The following G2E3 variants were observed in gnomAD, a reference collection of about 807,000 sequenced individuals.
The protein encoded by G2E3 is G2/M phase-specific E3 ubiquitin-protein ligase.
A neutral mutation model predicts 92.8 loss-of-function variants in G2E3; 35 were observed. The observed-to-expected ratio is 0.38, with a 90% CI of 0.29 to 0.50. The LOEUF (loss-of-function observed/expected upper bound fraction) is 0.50, where lower values mean the gene tolerates loss of function less well. Among genes scored for constraint, G2E3 ranks in the 20% least tolerant of loss-of-function variants. The pLI, the probability that G2E3 is intolerant of heterozygous loss-of-function variation, is 0.94. For synonymous variants in G2E3, 242 were observed against 272.4 expected, an observed-to-expected ratio of 0.89 and a Z score of 1.10; for missense variants, 554 against 823.8, an observed-to-expected ratio of 0.67 and a Z score of 4.01.
At chr14:30,594,287 A>G (rs1016814430) in intron 6 of G2E3, among the ~76,000 whole-genome samples, 1 of 152,240 alleles carries the variant, frequency 6.6e-6, no homozygotes, top group African/African-American at 2.4e-5. Context: ...TGTACATGTG[A>G]AAGTGCCAGC....
chr14:30,615,215 G>A (rs545799817), intron 13 of G2E3, 134 bp from the exon 14 acceptor site: 263 of 539,314 alleles, frequency 4.9e-4, no homozygotes, highest in African/African-American at 4.5e-3. Context: ...TGTCTCTTGT[G>A]GGGGTTTTTT....
intron 10 of G2E3, among the ~76,000 whole-genome samples, chr14:30,603,311 C>T (rs1363186447): frequency 1.3e-5 from 2 of 149,026 alleles, no homozygotes; most frequent in Non-Finnish European, 3.0e-5. Context: ...GGTGACAGAG[C>T]CGAGACTCTG....
Position 30,617,657 on chromosome 14 carries a change from A to C in G2E3, c.*1123A>C, listed in dbSNP as rs185874182. ...AGGATAGAATGAAAAACCCATTCTAATGTCACCACTCAGAGATAAGTACCG... is the reference window on the plus strand; with the variant it reads ...AGGATAGAATGAAAAACCCATTCTACTGTCACCACTCAGAGATAAGTACCG... On this transcript the variant is annotated 3_prime_UTR_variant, in exon 15 of 15. Transcript: ENST00000206595. 3 of 152,238 alleles carry C rather than the reference A, an allele frequency of 2.0e-5. No homozygotes were observed. In the East Asian group the frequency reaches 5.8e-4, roughly 29 times the overall value. The allele number at this position is 152,238 out of a possible 1,614,324, so 9.4% of individuals were successfully genotyped here. A position where few individuals can be genotyped will look rare whatever the true frequency, so the allele number is the denominator to read the frequency against.
In G2E3 at chr14:30,585,585, C is replaced by CT. The variant is rs1166405949; in HGVS notation, c.38-1122dup. Among the ~76,000 whole-genome samples the CT allele has an allele frequency of 8.9e-3, 1,282 of 144,540 alleles. 14 individuals are homozygous for CT. Among genetic ancestry groups the CT allele is most frequent in the African/African-American group, 0.029 (1,132 of 39,710 alleles). The allele number at this position is 144,540 out of a possible 152,430, so 94.8% of individuals were successfully genotyped here. On this transcript the variant is annotated intron_variant, in intron 2 of 14. Coordinates refer to ENST00000206595, the MANE Select transcript of G2E3 (RefSeq NM_017769.5). Reference sequence around the variant, plus strand: ...GTTGTAAGTTTTTAATCTTCTCCCCCTTTTTTTTTTTGGTTAGTCTAGTTA... The same window carrying CT: ...GTTGTAAGTTTTTAATCTTCTCCCCCTTTTTTTTTTTTGGTTAGTCTAGTTA...
intron 1 of G2E3, among the ~76,000 whole-genome samples, chr14:30,568,077 TG>T (rs2138773876): frequency 6.6e-6 from 1 of 152,240 alleles, no homozygotes; most frequent in African/African-American, 2.4e-5. Flanking sequence ...AATTTTGCCT[TG>T]TATATTTTGG....
At chr14:30,608,126 T>A in intron 12 of G2E3, 57 bp downstream of exon 12, 1 of 947,070 alleles carries the variant, frequency 1.1e-6, no homozygotes, top group Non-Finnish European at 1.6e-6. Flanking sequence ...TCTTTTAATG[T>A]AAATGACTGA....
At chr14:30,610,556 T>A (rs1404131236) in intron 12 of G2E3, among the ~76,000 whole-genome samples, 1 of 152,186 alleles carries the variant, frequency 6.6e-6, no homozygotes, top group Non-Finnish European at 1.5e-5. Flanking sequence ...TGAGCCGGGA[T>A]CATGCCACTG....
At chr14:30,565,650 CTTTTTTTTTTTTTTTTTT>C (rs537643569) in intron 1 of G2E3, among the ~76,000 whole-genome samples, 2 of 62,230 alleles carry the variant, frequency 3.2e-5, no homozygotes, top group East Asian at 5.6e-4. Flanking sequence ...AACTTCATTC[CTTTTTTTTTTTTTTTTTT>C]TTTTTTTTTT....
intron 1 of G2E3, among the ~76,000 whole-genome samples, chr14:30,578,573 T>G (rs1880251407): frequency 6.6e-6 from 1 of 152,238 alleles, no homozygotes; most frequent in African/African-American, 2.4e-5. Flanking sequence ...AGGTAAAATT[T>G]AAATGCACTA....
chr14:30,563,692 CTTTTGTGTGT>C (rs1265390722), intron 1 of G2E3, among the ~76,000 whole-genome samples: 1 of 112,948 alleles, frequency 8.9e-6, no homozygotes, highest in African/African-American at 3.9e-5. Flanking sequence ...AACTTTGTTA[CTTTTGTGTGT>C]GTGTGTGTGT....
At chr14:30,563,400 T>C (rs1248736979) in intron 1 of G2E3, among the ~76,000 whole-genome samples, 1 of 152,130 alleles carries the variant, frequency 6.6e-6, no homozygotes, top group African/African-American at 2.4e-5. Context: ...TAAAGTCCCA[T>C]ACCACTTCCC....
intron 12 of G2E3, chr14:30,611,232 G>T (rs1026166005): frequency 8.5e-5 from 13 of 152,200 alleles, no homozygotes; most frequent in African/African-American, 2.9e-4. Context: ...GTGCCCAGCT[G>T]AAACTCAGGG....
intron 10 of G2E3, 136 bp from the exon 11 acceptor site, chr14:30,605,369 A>G (rs879319377): frequency 7.6e-5 from 34 of 449,538 alleles, no homozygotes; most frequent in African/African-American, 4.5e-4. Context: ...CATTGTTACA[A>G]TTTTGGGTGG....
intron 4 of G2E3, among the ~76,000 whole-genome samples, chr14:30,591,400 C>T (rs553576447): frequency 2.0e-4 from 30 of 152,230 alleles, no homozygotes; most frequent in African/African-American, 5.8e-4. Flanking sequence ...TTTCAGTTAG[C>T]GGCACTGGTA....
chr14:30,570,415 T>A lies in G2E3; in HGVS notation c.-4-10661T>A, dbSNP rs369803145. On this transcript the variant is annotated intron_variant, in intron 1 of 14. Transcript: ENST00000206595. The stretch of plus-strand genomic sequence containing the variant: ...TTGGGAAGTTTTTGGCTATTATTTC[T>A]TCAAACATTCTTTCTGTTCCACTTT... 3.3e-5 allele frequency among the ~76,000 whole-genome samples: 5 copies of A among 152,288 alleles called. No homozygotes were observed. The East Asian group carries it at 7.7e-4, about 24-fold the overall frequency.
At chr14:30,559,429 A>T (rs1370004491) in intron 1 of G2E3, 157 bp downstream of exon 1, 1 of 152,220 alleles carries the variant, frequency 6.6e-6, no homozygotes, top group Admixed American at 6.5e-5. Flanking sequence ...GACTAAGGGA[A>T]TTCGGGGCAC....
In G2E3 at chr14:30,618,118, A is replaced by C. The variant is rs1387086492; in HGVS notation, c.*1584A>C. 1 of 152,100 alleles carries C rather than the reference A, an allele frequency of 6.6e-6. No individual in the cohort carries two copies. Among genetic ancestry groups the C allele is most frequent in the Non-Finnish European group, 1.5e-5 (1 of 67,944 alleles). 9.4% of individuals were successfully genotyped at this position (152,100 alleles called of 1,614,324 possible). ...CAAAGGAAAACTAAAACATAATTCT[A>C]GTGTACTTTTCTTTGTTCCCTCATG... On this transcript the variant is annotated 3_prime_UTR_variant, in exon 15 of 15. Coordinates refer to ENST00000206595, the MANE Select transcript of G2E3 (RefSeq NM_017769.5).
chr14:30,591,134 C>T (rs1218334198), intron 4 of G2E3, among the ~76,000 whole-genome samples: 1 of 152,048 alleles, frequency 6.6e-6, no homozygotes, highest in African/African-American at 2.4e-5. Context: ...ATTGTGAACC[C>T]TTGAAAAGAA....
intron 4 of G2E3, 31 bp downstream of exon 4, chr14:30,589,515 T>C (rs758961930): frequency 9.4e-7 from 1 of 1,065,970 alleles, no homozygotes; most frequent in Non-Finnish European, 1.4e-6. Context: ...TTAAGTAATG[T>C]CATAAATATT....
Sources: gnomAD v4.1 joint callset for allele counts (sites outside exome capture counted in the v4.1 genomes callset) on GRCh38, gnomAD v4.1.1 for gene constraint, MANE v1.5 for transcripts, NCBI Gene and HGNC (gene_info 2026-07-23, HGNC 2026-07-21) for gene names.